SPATS2L: variants seen among roughly 807,000 people sequenced by gnomAD.
SPATS2L encodes SPATS2-like protein.
A neutral mutation model predicts 59.6 loss-of-function variants in SPATS2L; 30 were observed. The observed-to-expected ratio is 0.50, with a 90% confidence interval of 0.38 to 0.68. The LOEUF (loss-of-function observed/expected upper bound fraction) is 0.68. SPATS2L is among the 30% of genes least tolerant of loss of function. SPATS2L has a pLI of 0.00. For missense variants in SPATS2L, 615 were observed against 700.0 expected, an observed-to-expected ratio of 0.88 and a Z score of 1.37; for synonymous variants, 252 against 263.5, an observed-to-expected ratio of 0.96 and a Z score of 0.42.
At position 200,440,865 on chromosome 2, in the gene SPATS2L, GTTTA is replaced by G; in HGVS notation, c.788+86_788+89del. 3 of 1,501,134 alleles carry G rather than the reference GTTTA, an allele frequency of 2.0e-6. No homozygotes were observed. The East Asian group carries it at 6.9e-5, about 34-fold the overall frequency. 93.0% of individuals were successfully genotyped at this position (1,501,134 alleles called of 1,614,324 possible). A position where few individuals can be genotyped will look rare whatever the true frequency, so the allele number is the denominator to read the frequency against. Reference sequence around the variant, plus strand: ...GTAAAAGTATCAGATGGAAAACGTTGTTTATTTAATACATAAACATCACAGAATA... The same window carrying G: ...GTAAAAGTATCAGATGGAAAACGTTGTTTAATACATAAACATCACAGAATA... On this transcript the variant is annotated intron_variant, in intron 8 of 12. Coordinates refer to ENST00000409140, the MANE Select transcript of SPATS2L (RefSeq NM_001100423.2).
intron 2 of SPATS2L, among the ~76,000 whole-genome samples, chr2:200,333,316 C>T (rs1439059462): frequency 2.0e-5 from 3 of 146,986 alleles, no homozygotes; most frequent in East Asian, 4.1e-4. Flanking sequence ...AAAGAAAAGA[C>T]ACAAGATTAC....
intron 6 of SPATS2L, among the ~76,000 whole-genome samples, chr2:200,434,558 A>T (rs1199944616): frequency 1.3e-5 from 2 of 152,234 alleles, no homozygotes; most frequent in East Asian, 3.9e-4. Flanking sequence ...ATTAAAAAGC[A>T]TTTGTATTCC....
chr2:200,378,187 G>T, intron 2 of SPATS2L: 1 of 1,000,730 alleles, frequency 1.0e-6, no homozygotes. Flanking sequence ...CCACGCCCAA[G>T]ATCCTGCTAC....
chr2:200,448,271 G>C (rs1005561317), intron 8 of SPATS2L, among the ~76,000 whole-genome samples: 2 of 152,014 alleles, frequency 1.3e-5, no homozygotes, highest in African/African-American at 2.4e-5. Context: ...GCTAAACCCT[G>C]TCTCTACTAA....
intron 6 of SPATS2L, among the ~76,000 whole-genome samples, chr2:200,435,736 T>A (rs1219623795): frequency 1.3e-5 from 2 of 152,164 alleles, no homozygotes; most frequent in African/African-American, 2.4e-5. Context: ...TAGTAGTGAT[T>A]ACACACTGAA....
chr2:200,440,809 TA>T, intron 8 of SPATS2L, 25 bp downstream of exon 8: 1 of 1,610,014 alleles, frequency 6.2e-7, no homozygotes, highest in Non-Finnish European at 8.5e-7. Flanking sequence ...GTAGGAACCA[TA>T]AATTTGTGAT....
intron 2 of SPATS2L, among the ~76,000 whole-genome samples, chr2:200,376,545 A>G (rs983923449): frequency 2.6e-4 from 40 of 152,202 alleles, no homozygotes; most frequent in African/African-American, 9.4e-4. Flanking sequence ...TGCTCTTTCT[A>G]TGTTATGACT....
At chr2:200,446,015 G>T (rs529572079) in intron 8 of SPATS2L, among the ~76,000 whole-genome samples, 1 of 152,032 alleles carries the variant, frequency 6.6e-6, no homozygotes, top group Admixed American at 6.6e-5. Context: ...CCTAAGTGCC[G>T]CCCCCAGAGA....
chr2:200,361,990 C>G (rs970457362), intron 2 of SPATS2L, among the ~76,000 whole-genome samples: 1 of 152,090 alleles, frequency 6.6e-6, no homozygotes, highest in African/African-American at 2.4e-5. Flanking sequence ...CCTGTAATCC[C>G]AGCACTTCGG....
At chr2:200,425,399 G>A (rs1005170614) in intron 6 of SPATS2L, among the ~76,000 whole-genome samples, 5 of 152,086 alleles carry the variant, frequency 3.3e-5, no homozygotes, top group Non-Finnish European at 7.4e-5. Flanking sequence ...GGATTTCAGC[G>A]GTGCCAGCTC....
At chr2:200,438,693 T>G (rs1249083054) in intron 6 of SPATS2L, among the ~76,000 whole-genome samples, 2 of 152,164 alleles carry the variant, frequency 1.3e-5, no homozygotes, top group African/African-American at 4.8e-5. Flanking sequence ...CACAAGACAT[T>G]AATGTAGCAC....
At chr2:200,418,184 C>G (rs1327784390) in intron 5 of SPATS2L, among the ~76,000 whole-genome samples, 1 of 152,080 alleles carries the variant, frequency 6.6e-6, no homozygotes, top group African/African-American at 2.4e-5. Flanking sequence ...TGCTGTTCAG[C>G]TAGCAGCCGA....
intron 11 of SPATS2L, among the ~76,000 whole-genome samples, chr2:200,470,382 G>A (rs1464051087): frequency 6.6e-6 from 1 of 152,170 alleles, no homozygotes; most frequent in Non-Finnish European, 1.5e-5. Flanking sequence ...AACATGTCTG[G>A]GAACAATCAG....
At chr2:200,330,635 C>T (rs2079908969) in intron 2 of SPATS2L, among the ~76,000 whole-genome samples, 2 of 152,102 alleles carry the variant, frequency 1.3e-5, no homozygotes, top group Admixed American at 1.3e-4. Flanking sequence ...AGCCTTCTAC[C>T]CATCAGACAA....
intron 2 of SPATS2L, chr2:200,378,158 C>G (rs1017647295): frequency 1.1e-6 from 1 of 917,962 alleles, no homozygotes; most frequent in Non-Finnish European, 1.3e-6. Flanking sequence ...AGGCCACCAA[C>G]CCCCTGCTGA....
At chr2:200,396,449 T>C (rs1220716924) in intron 3 of SPATS2L, among the ~76,000 whole-genome samples, 1 of 152,138 alleles carries the variant, frequency 6.6e-6, no homozygotes, top group African/African-American at 2.4e-5. Flanking sequence ...CTGTGTGTCG[T>C]GGTGTCTGTC....
chr2:200,354,351 G>A (rs1055616613), intron 2 of SPATS2L, among the ~76,000 whole-genome samples: 1 of 152,198 alleles, frequency 6.6e-6, no homozygotes, highest in African/African-American at 2.4e-5. Context: ...GCTCACACCT[G>A]TAATCCCAGC....
In SPATS2L at chr2:200,443,572, C is replaced by T. The variant is rs548468603; in HGVS notation, c.788+2788C>T. 6.6e-5 allele frequency among the ~76,000 whole-genome samples: 10 copies of T among 152,264 alleles called. No homozygotes were observed. The South Asian group carries it at 2.1e-3, about 32-fold the overall frequency. The stretch of plus-strand genomic sequence containing the variant: ...AGATGTATACCTTCCGTTTCCAGTT[C>T]CTCTTCTCCTCTCCTTGCTTTGGGC... On this transcript the variant is annotated intron_variant, in intron 8 of 12. Transcript: ENST00000409140.
chr2:200,374,360 G>T (rs138472570), intron 2 of SPATS2L, among the ~76,000 whole-genome samples: 1 of 152,126 alleles, frequency 6.6e-6, no homozygotes, highest in African/African-American at 2.4e-5. Flanking sequence ...GTGCAAAAGA[G>T]CACTCCCTCT....
Sources: gnomAD v4.1 joint callset for allele counts (sites outside exome capture counted in the v4.1 genomes callset) on GRCh38, gnomAD v4.1.1 for gene constraint, MANE v1.5 for transcripts, NCBI Gene and HGNC (gene_info 2026-07-23, HGNC 2026-07-21) for gene names.